Variants in SVIL observed in about 807,000 individuals in gnomAD.
SVIL encodes the protein supervillin.
A neutral mutation model predicts 240.4 loss-of-function variants in SVIL; 101 were observed. That is an observed-to-expected ratio of 0.42 (90% CI 0.36 to 0.50). SVIL has a LOEUF of 0.50. SVIL is among the 20% of genes least tolerant of loss of function. The probability of loss-of-function intolerance (pLI) is 0.01; values close to 1 mark genes in which losing one functional copy is unlikely to be tolerated. For missense variants in SVIL, 2,512 were observed against 2,818.7 expected, an observed-to-expected ratio of 0.89 and a Z score of 2.46; for synonymous variants, 999 against 1,100.0, an observed-to-expected ratio of 0.91 and a Z score of 1.82.
intron 1 of SVIL, among the ~76,000 whole-genome samples, chr10:29,613,292 G>T: frequency 6.6e-6 from 1 of 151,982 alleles, no homozygotes; most frequent in Non-Finnish European, 1.5e-5. Flanking sequence ...GTCTGGGTGG[G>T]GACCAGAAAG....
intron 2 of SVIL, among the ~76,000 whole-genome samples, chr10:29,681,411 G>GTGTGTGTGTA (rs1385438703): frequency 8.5e-4 from 125 of 147,922 alleles, no homozygotes; most frequent in East Asian, 2.2e-3. Flanking sequence ...GGAATGGTGT[G>GTGTGTGTGTA]TGTGTGTGTG....
At chr10:29,563,049 GGAAGGGAATT>G (rs1954657367) in intron 3 of SVIL, among the ~76,000 whole-genome samples, 142 bp downstream of exon 3, 1 of 152,138 alleles carries the variant, frequency 6.6e-6, no homozygotes, top group South Asian at 2.1e-4. Context: ...GGAGAGAGGG[GGAAGGGAATT>G]GAAGCTAATT....
chr10:29,713,564 A>G lies in SVIL; in HGVS notation c.-400+22187T>C, dbSNP rs149973403. Among the ~76,000 whole-genome samples, 298 of 152,262 alleles carry G rather than the reference A, an allele frequency of 2.0e-3. 1 individual carries two copies. Among genetic ancestry groups the G allele is most frequent in the Admixed American group, 3.5e-3 (54 of 15,292 alleles). Reference sequence around the variant, plus strand: ...TTTTCTGTAAATAACCAGATGGTAAATATATTTTTGGCAGTATGGGCCATA... The same window carrying G: ...TTTTCTGTAAATAACCAGATGGTAAGTATATTTTTGGCAGTATGGGCCATA... On this transcript the variant is annotated intron_variant, in intron 1 of 35. Transcript: ENST00000375400.
chr10:29,517,057 GT>G (rs1950251030), intron 16 of SVIL, among the ~76,000 whole-genome samples: 2 of 152,158 alleles, frequency 1.3e-5, no homozygotes, highest in African/African-American at 2.4e-5. Flanking sequence ...GTTTTGGCTG[GT>G]TCACAAGTTG....
At chr10:29,601,065 G>C (rs1376521928) in intron 1 of SVIL, among the ~76,000 whole-genome samples, 3 of 152,140 alleles carry the variant, frequency 2.0e-5, no homozygotes, top group Non-Finnish European at 4.4e-5. Flanking sequence ...GTGCTGACTT[G>C]AAAGGTTTGT....
At chr10:29,550,167 G>A (rs989883828) in intron 6 of SVIL, among the ~76,000 whole-genome samples, 6 of 152,024 alleles carry the variant, frequency 3.9e-5, no homozygotes, top group Admixed American at 3.9e-4. Context: ...GCCAGGTACG[G>A]TGGCTCATGC....
intron 17 of SVIL, among the ~76,000 whole-genome samples, chr10:29,510,105 G>A (rs1949718064): frequency 6.6e-6 from 1 of 152,178 alleles, no homozygotes; most frequent in Non-Finnish European, 1.5e-5. Context: ...CGTTGCCCAA[G>A]CTGGTCTAAA....
chr10:29,530,541 C>A, intron 11 of SVIL, 66 bp downstream of exon 11: 1 of 1,581,426 alleles, frequency 6.3e-7, no homozygotes, highest in South Asian at 1.1e-5. Flanking sequence ...CTGCCTTGGC[C>A]TCTCAAATAG....
In SVIL at chr10:29,466,853, C is replaced by G. The variant is rs150642694; in HGVS notation, c.5977+889G>C. 7.2e-5 allele frequency among the ~76,000 whole-genome samples: 11 copies of G among 152,126 alleles called. No homozygotes were observed. The East Asian group carries it at 2.1e-3, about 29-fold the overall frequency. ...TAAGTGACTTCATTTCTTTTTTTAA[C>G]TTCTCCATAATTTCAAACGTTTTCT... On this transcript the variant is annotated intron_variant, in intron 33 of 37. Transcript: ENST00000355867.
chr10:29,486,505 G>A lies in SVIL; in HGVS notation c.4538C>T (p.Ala1513Val). The change falls in exon 25 of 38, where the codon GCT (alanine) becomes GTT (valine). Residue 1513 changes from alanine (A) to valine (V), a missense_variant. This residue lies in a region of SVIL where 797 missense variants were observed against 925.3 expected (regional missense o/e 0.86). Coordinates refer to ENST00000355867, the MANE Select transcript of SVIL (RefSeq NM_021738.3). Reference protein sequence around the residue: ...IQTKRELGCRATYIQTIEEGI... With the variant: ...IQTKRELGCRVTYIQTIEEGI... The stretch of plus-strand genomic sequence containing the variant: ...TTCTTCAATGGTTTGGATATAAGTA[G>A]CTCTACAACCAAGTTCCCTCTTTGT... 6.2e-7 allele frequency: 1 copy of A among 1,614,152 alleles called. No homozygotes were observed. The highest frequency in any genetic ancestry group is 8.5e-7 in the Non-Finnish European group (1 of 1,180,024).
chr10:29,458,642 G>C, intron 36 of SVIL, 53 bp from the exon 37 acceptor site: 4 of 1,579,190 alleles, frequency 2.5e-6, no homozygotes, highest in Non-Finnish European at 3.4e-6. Context: ...ATTTGAACTT[G>C]TTTTATTAAG....
intron 1 of SVIL, among the ~76,000 whole-genome samples, chr10:29,623,582 G>A (rs547017450): frequency 6.6e-6 from 1 of 152,298 alleles, no homozygotes; most frequent in South Asian, 2.1e-4. Context: ...CAGGCGCGGA[G>A]GCTCACGCCT....
chr10:29,501,898 T>C (rs1438586597), intron 17 of SVIL, among the ~76,000 whole-genome samples: 1 of 152,214 alleles, frequency 6.6e-6, no homozygotes, highest in Non-Finnish European at 1.5e-5. Context: ...ATTCACTTAG[T>C]CAACTCTGTG....
intron 27 of SVIL, chr10:29,483,201 G>T (rs961543851): frequency 1.3e-5 from 2 of 152,184 alleles, no homozygotes; most frequent in Non-Finnish European, 1.5e-5. Context: ...AAGGGCTCTT[G>T]GTTTCTGCTT....
Position 29,526,915 on chromosome 10 carries a change from G to A in SVIL, c.2342+46C>T, listed in dbSNP as rs372726358. 1.2e-5 allele frequency: 17 copies of A among 1,434,756 alleles called. No individual in the cohort carries two copies. The African/African-American group carries it at 1.8e-4, about 15-fold the overall frequency. The allele number at this position is 1,434,756 out of a possible 1,614,324, so 88.9% of individuals were successfully genotyped here. On this transcript the variant is annotated intron_variant, in intron 13 of 37. Coordinates refer to ENST00000355867, the MANE Select transcript of SVIL (RefSeq NM_021738.3). ...AGACTTTAGGATGCATCTGCTGTTC[G>A]GCACCTTTGCACCGGGTGCCGCATG...
intron 1 of SVIL, among the ~76,000 whole-genome samples, chr10:29,617,587 A>T (rs542215692): frequency 2.3e-4 from 35 of 152,070 alleles, no homozygotes; most frequent in African/African-American, 8.4e-4. Flanking sequence ...CTAAAAAAAA[A>T]AAAAGAAAGA....
chr10:29,663,778 C>T (rs67801569), intron 2 of SVIL, among the ~76,000 whole-genome samples: 3 of 152,220 alleles, frequency 2.0e-5, no homozygotes, highest in Non-Finnish European at 4.4e-5. Context: ...CCATGCTCAA[C>T]AAAGAGATGC....
In SVIL at chr10:29,490,864, C is replaced by T. The variant is rs750205669; in HGVS notation, c.4175G>A (p.Arg1392Gln). 1 of 1,613,730 alleles carries T rather than the reference C, an allele frequency of 6.2e-7. No homozygotes were observed. Among genetic ancestry groups the T allele is most frequent in the Non-Finnish European group, 8.5e-7 (1 of 1,179,800 alleles). ...ATACTCACTCTTTTCTACTTTCATC[C>T]GCTTTGACTCCATGAAGGCAACGTT... Reference protein sequence around the residue: ...RLNVAFMESKRMKVEKMSSNS... With the variant: ...RLNVAFMESKQMKVEKMSSNS... Residue 1392 changes from arginine (R) to glutamine (Q), a missense_variant, in exon 22 of 38, where the codon CGG (arginine) becomes CAG (glutamine). By Grantham distance (43) the Arg-to-Gln change is conservative (BLOSUM62 1). Transcript: ENST00000355867.
chr10:29,611,666 G>A (rs1957248069), intron 1 of SVIL, among the ~76,000 whole-genome samples: 1 of 152,228 alleles, frequency 6.6e-6, no homozygotes, highest in African/African-American at 2.4e-5. Flanking sequence ...ATTGTCAGAT[G>A]TGGTTAAAAG....
Sources: allele counts gnomAD v4.1 joint callset (sites outside exome capture counted in the v4.1 genomes callset), GRCh38; gene constraint gnomAD v4.1.1; regional missense constraint gnomAD v4.1.1; transcripts MANE v1.5; gene names NCBI Gene and HGNC (gene_info 2026-07-23, HGNC 2026-07-21).